RALB: variants seen among roughly 807,000 people sequenced by gnomAD.
RALB encodes ras-related protein Ral-B.
In RALB, 16 loss-of-function variants were observed where a neutral mutation model predicts 21.3. The observed-to-expected ratio is 0.75, with a 90% CI of 0.51 to 1.14. RALB has a LOEUF of 1.14. Ranked by LOEUF, RALB falls within the 50% of genes most tolerant of loss-of-function variation. The pLI is 0.00. For missense variants in RALB, 161 were observed against 256.2 expected, an observed-to-expected ratio of 0.63 and a Z score of 2.54; for synonymous variants, 93 against 96.1, an observed-to-expected ratio of 0.97 and a Z score of 0.19.
intron 1 of RALB, among the ~76,000 whole-genome samples, chr2:120,261,788 A>G (rs1199135327): frequency 5.9e-5 from 9 of 152,154 alleles, no homozygotes; most frequent in Non-Finnish European, 1.0e-4. Flanking sequence ...CTTGTTATGC[A>G]GAGAGAGAGT....
At chr2:120,261,549 C>T (rs1260186123) in intron 1 of RALB, among the ~76,000 whole-genome samples, 1 of 152,026 alleles carries the variant, frequency 6.6e-6, no homozygotes, top group Non-Finnish European at 1.5e-5. Flanking sequence ...GGGGGAATGC[C>T]CATTCGTGGT....
In RALB at chr2:120,293,444, G is replaced by T; in HGVS notation, c.*184G>T. 2.1e-6 allele frequency: 1 copy of T among 469,896 alleles called. No homozygotes were observed. The allele number at this position is 469,896 out of a possible 1,614,324, so 29.1% of individuals were successfully genotyped here. On this transcript the variant is annotated 3_prime_UTR_variant, in exon 5 of 5. Transcript: ENST00000272519. ...TGGCAGAAGAAATAAGCCCATGCAA[G>T]TGGAAGGGCTGCTTTGTCAGGAGGT...
chr2:120,291,193 A>G (rs781776572), intron 4 of RALB, among the ~76,000 whole-genome samples: 8 of 152,232 alleles, frequency 5.3e-5, no homozygotes, highest in African/African-American at 1.4e-4. Context: ...ACATAAAAAC[A>G]TGTATCTTAG....
chr2:120,262,931 C>T (rs1220684721), intron 1 of RALB, among the ~76,000 whole-genome samples: 1 of 152,258 alleles, frequency 6.6e-6, no homozygotes, highest in Non-Finnish European at 1.5e-5. Context: ...TGCCCTGAGA[C>T]GTAGGCAGGG....
intron 3 of RALB, among the ~76,000 whole-genome samples, chr2:120,289,048 G>A (rs150127591): frequency 2.0e-5 from 3 of 152,070 alleles, no homozygotes; most frequent in Admixed American, 6.5e-5. Context: ...TTCACTGCAG[G>A]GGGGAGAAAC....
In RALB at chr2:120,286,003, T is replaced by G; in HGVS notation, c.244T>G (p.Tyr82Asp). The change falls in exon 3 of 5, where the codon TAC (tyrosine) becomes GAC (aspartate). Residue 82 changes from tyrosine to aspartate, a missense_variant. Transcript: ENST00000272519. ...GGACTACGCAGCCATTCGAGATAAC[T>G]ACTTTCGGAGTGGGGAAGGGTTTCT... ...QEDYAAIRDN[Y>D]FRSGEGFLLV... 6.2e-7 allele frequency: 1 copy of G among 1,614,148 alleles called. No individual in the cohort carries two copies. Among genetic ancestry groups the G allele is most frequent in the Non-Finnish European group, 8.5e-7 (1 of 1,180,012 alleles).
At chr2:120,267,234 A>G (rs1010496529) in intron 1 of RALB, among the ~76,000 whole-genome samples, 1 of 152,180 alleles carries the variant, frequency 6.6e-6, no homozygotes, top group African/African-American at 2.4e-5. Flanking sequence ...GGGAAGGGAC[A>G]GGTAAAGAGG....
At chr2:120,249,084 G>A (rs1027987756), upstream of RALB, among the ~76,000 whole-genome samples, 2 of 150,246 alleles carry the variant, frequency 1.3e-5, no homozygotes, top group Non-Finnish European at 2.9e-5. Flanking sequence ...GCCCAGGCTG[G>A]AGTGCAGTGG....
intron 3 of RALB, among the ~76,000 whole-genome samples, chr2:120,288,133 A>C (rs1573358567): frequency 6.6e-6 from 1 of 152,212 alleles, no homozygotes; most frequent in African/African-American, 2.4e-5. Flanking sequence ...GTGCCCCTGC[A>C]AGACTAATGA....
chr2:120,259,736 T>C (rs558102535), intron 1 of RALB, among the ~76,000 whole-genome samples: 2 of 152,352 alleles, frequency 1.3e-5, no homozygotes, highest in East Asian at 3.9e-4. Context: ...CTGCCAGTCC[T>C]GCGCCATGCA....
At chr2:120,277,798 TGTGTGAGAGC>T (rs1260574174) in intron 1 of RALB, among the ~76,000 whole-genome samples, 10 of 150,638 alleles carry the variant, frequency 6.6e-5, no homozygotes, top group East Asian at 2.0e-4. Context: ...CCTGTGATAG[TGTGTGAGAGC>T]GTGTGAGAGC....
intron 2 of RALB, 130 bp downstream of exon 2, chr2:120,278,908 T>C: frequency 1.3e-6 from 1 of 774,982 alleles, no homozygotes; most frequent in Non-Finnish European, 1.8e-6. Context: ...AGGTGGCTTC[T>C]GAATAGCTTC....
chr2:120,254,440 C>T (rs1297150705), intron 1 of RALB, among the ~76,000 whole-genome samples: 2 of 152,166 alleles, frequency 1.3e-5, no homozygotes, highest in Non-Finnish European at 2.9e-5. Context: ...CCAGATTTCC[C>T]TCTGCCCGAG....
At chr2:120,267,973 G>A (rs377123677) in intron 1 of RALB, among the ~76,000 whole-genome samples, 28 of 152,062 alleles carry the variant, frequency 1.8e-4, no homozygotes, top group African/African-American at 6.3e-4. Context: ...TGTATTTTTA[G>A]TAGAGACGGG....
At chr2:120,293,030 T>C (rs1487708054) in intron 4 of RALB, 111 bp from the exon 5 acceptor site, 50 of 1,142,866 alleles carry the variant, frequency 4.4e-5, no homozygotes, top group Non-Finnish European at 5.6e-5. Flanking sequence ...AGTCAAATTA[T>C]TTCATTGAAT....
At chr2:120,282,074 T>C (rs1362084256) in intron 2 of RALB, among the ~76,000 whole-genome samples, 1 of 152,152 alleles carries the variant, frequency 6.6e-6, no homozygotes, top group Non-Finnish European at 1.5e-5. Flanking sequence ...AATGCCACTG[T>C]TGAGAAACCT....
chr2:120,250,892 A>G (rs534257743), upstream of RALB, among the ~76,000 whole-genome samples: 4 of 152,328 alleles, frequency 2.6e-5, no homozygotes, highest in Non-Finnish European at 4.4e-5. Flanking sequence ...TGCACAGCTC[A>G]GGGTCTGGCA....
At chr2:120,290,969 A>C (rs1196658621) in intron 4 of RALB, among the ~76,000 whole-genome samples, 1 of 152,210 alleles carries the variant, frequency 6.6e-6, no homozygotes, top group Non-Finnish European at 1.5e-5. Flanking sequence ...CTGCAGCATC[A>C]GCATCTGAAT....
chr2:120,284,177 A>C (rs917443947), intron 2 of RALB, among the ~76,000 whole-genome samples: 3 of 152,238 alleles, frequency 2.0e-5, no homozygotes, highest in Non-Finnish European at 4.4e-5. Flanking sequence ...TTTGGAGATA[A>C]TTTATTAGTA....
Sources: gnomAD v4.1 joint callset for allele counts (sites outside exome capture counted in the v4.1 genomes callset) on GRCh38, gnomAD v4.1.1 for gene constraint, MANE v1.5 for transcripts, NCBI Gene and HGNC (gene_info 2026-07-23, HGNC 2026-07-21) for gene names.